Variants in SNX29 observed in about 807,000 individuals in gnomAD.
SNX29 encodes the protein sorting nexin 29.
Under a neutral mutation model 102.1 loss-of-function variants are expected in SNX29, and 78 were observed. The observed-to-expected ratio is 0.76, with a 90% confidence interval of 0.64 to 0.92. The LOEUF (loss-of-function observed/expected upper bound fraction) is 0.92. SNX29 is among the 40% of genes least tolerant of loss of function. The probability of loss-of-function intolerance (pLI) is 0.00; values close to 1 mark genes in which losing one functional copy is unlikely to be tolerated. For missense variants in SNX29, 1,280 were observed against 1,061.7 expected (o/e 1.21, Z -2.86); for synonymous variants, 580 against 414.5 (o/e 1.40, Z -4.85).
rs1008628931 is a variant in SNX29 at position 12,570,203 on chromosome 16, G to T, written c.*1574G>T. The stretch of plus-strand genomic sequence containing the variant: ...CCGAGTCAGCCTACATGACTTCCAA[G>T]GGGACCTGGGGCCAGATAAGCCCTG... On this transcript the variant is annotated 3_prime_UTR_variant, in exon 21 of 21. Coordinates refer to ENST00000566228, the MANE Select transcript of SNX29 (RefSeq NM_032167.5). 9.4e-7 allele frequency: 1 copy of T among 1,065,234 alleles called. No homozygotes were observed. The highest frequency in any genetic ancestry group is 1.1e-6 in the Non-Finnish European group (1 of 879,176). 66.0% of individuals were successfully genotyped at this position (1,065,234 alleles called of 1,614,324 possible).
At chr16:12,546,956 C>G (rs970763649) in intron 20 of SNX29, among the ~76,000 whole-genome samples, 74 of 152,182 alleles carry the variant, frequency 4.9e-4, no homozygotes, top group Non-Finnish European at 9.7e-4. Context: ...TTCCCCACCC[C>G]TCCATCCACC....
intron 11 of SNX29, among the ~76,000 whole-genome samples, chr16:12,100,143 G>C (rs1311765447): frequency 6.6e-6 from 1 of 152,132 alleles, no homozygotes; most frequent in Non-Finnish European, 1.5e-5. Context: ...AATACCTTCT[G>C]GCTTTTCATC....
At chr16:12,159,608 C>T (rs1004457451) in intron 13 of SNX29, among the ~76,000 whole-genome samples, 11 of 152,170 alleles carry the variant, frequency 7.2e-5, no homozygotes, top group African/African-American at 2.7e-4. Context: ...ACCTGTAATC[C>T]TAACACTTTG....
chr16:12,303,256 G>C (rs2080236467), intron 15 of SNX29, among the ~76,000 whole-genome samples: 1 of 152,160 alleles, frequency 6.6e-6, no homozygotes. Context: ...CCCCACCCTA[G>C]TGAAACACTT....
intron 13 of SNX29, among the ~76,000 whole-genome samples, chr16:12,156,368 T>A (rs1358104590): frequency 1.3e-5 from 2 of 152,118 alleles, no homozygotes; most frequent in Admixed American, 6.5e-5. Flanking sequence ...GAGATGGTGT[T>A]TTGCCATGTT....
intron 14 of SNX29, among the ~76,000 whole-genome samples, chr16:12,275,967 G>A (rs1196935292): frequency 6.9e-6 from 1 of 144,950 alleles, no homozygotes; most frequent in African/African-American, 2.6e-5. Flanking sequence ...ATCTCGGCTC[G>A]CTGCAATCTC....
intron 13 of SNX29, among the ~76,000 whole-genome samples, chr16:12,167,357 A>G (rs944537068): frequency 6.6e-6 from 1 of 152,108 alleles, no homozygotes; most frequent in African/African-American, 2.4e-5. Context: ...CTGGCCCTCC[A>G]GACTGTCCAG....
chr16:12,134,293 A>G (rs897332979), intron 13 of SNX29, among the ~76,000 whole-genome samples: 1 of 152,176 alleles, frequency 6.6e-6, no homozygotes, highest in Non-Finnish European at 1.5e-5. Context: ...TTATCCTCAA[A>G]CTTGGTTGCT....
At chr16:12,548,905 G>A (rs1041362487) in intron 20 of SNX29, among the ~76,000 whole-genome samples, 1 of 152,184 alleles carries the variant, frequency 6.6e-6, no homozygotes, top group Non-Finnish European at 1.5e-5. Context: ...CACTCACTCG[G>A]GCTGTAGGTA....
chr16:12,369,402 C>T (rs2082601667), intron 16 of SNX29, among the ~76,000 whole-genome samples: 1 of 152,192 alleles, frequency 6.6e-6, no homozygotes, highest in Non-Finnish European at 1.5e-5. Flanking sequence ...TCCCAAAGTG[C>T]TGGGATTACA....
intron 18 of SNX29, among the ~76,000 whole-genome samples, chr16:12,463,099 G>C (rs966290029): frequency 9.2e-5 from 14 of 152,208 alleles, no homozygotes; most frequent in Non-Finnish European, 7.3e-5. Context: ...CCATGCTGAA[G>C]ATGCCCCTTA....
chr16:12,547,528 G>A lies in SNX29; in HGVS notation c.2319-20978G>A, dbSNP rs539527410. 4.6e-5 allele frequency among the ~76,000 whole-genome samples: 7 copies of A among 152,090 alleles called. No homozygotes were observed. In the East Asian group the frequency reaches 7.7e-4, roughly 17 times the overall value. On this transcript the variant is annotated intron_variant, in intron 20 of 20. Transcript: ENST00000566228. ...TTCAATGTGGGTGTGAGAGAAAGAG[G>A]AACTGGAAGAACAGAGTCCTGAGCT...
At chr16:12,525,981 G>A (rs1597740229) in intron 20 of SNX29, among the ~76,000 whole-genome samples, 1 of 152,130 alleles carries the variant, frequency 6.6e-6, no homozygotes, top group African/African-American at 2.4e-5. Flanking sequence ...TGGAATTAGG[G>A]GAACCAAAAC....
At chr16:12,023,742 A>G (rs186761556) in intron 3 of SNX29, among the ~76,000 whole-genome samples, 56 of 152,264 alleles carry the variant, frequency 3.7e-4, no homozygotes, top group African/African-American at 1.3e-3. Flanking sequence ...CCTTAGTGTG[A>G]CCTCGTGTAT....
intron 11 of SNX29, among the ~76,000 whole-genome samples, chr16:12,109,042 C>T (rs2053388485): frequency 7.3e-6 from 1 of 136,902 alleles, no homozygotes; most frequent in Non-Finnish European, 1.5e-5. Flanking sequence ...GCAGGATAAT[C>T]ACTTGAACCT....
At chr16:12,423,746 A>G (rs1381885451) in intron 18 of SNX29, among the ~76,000 whole-genome samples, 3 of 152,032 alleles carry the variant, frequency 2.0e-5, no homozygotes, top group African/African-American at 7.2e-5. Flanking sequence ...AAGTTTTTGT[A>G]TTTTTAATAG....
chr16:12,511,772 C>T (rs993629261), intron 19 of SNX29, among the ~76,000 whole-genome samples: 4 of 152,090 alleles, frequency 2.6e-5, no homozygotes, highest in African/African-American at 7.2e-5. Context: ...CTGTCATCCC[C>T]CCTCCCCCGC....
chr16:12,548,568 T>C (rs1480671445), intron 20 of SNX29, among the ~76,000 whole-genome samples: 3 of 152,204 alleles, frequency 2.0e-5, no homozygotes, highest in African/African-American at 7.2e-5. Context: ...TCTATGATGC[T>C]GGCTTCCCTG....
intron 4 of SNX29, among the ~76,000 whole-genome samples, chr16:12,032,544 G>C: frequency 6.6e-6 from 1 of 151,932 alleles, no homozygotes; most frequent in East Asian, 1.9e-4. Flanking sequence ...CAATATTTTT[G>C]AGGGTATGTA....
Sources: allele counts gnomAD v4.1 joint callset (sites outside exome capture counted in the v4.1 genomes callset), GRCh38; gene constraint gnomAD v4.1.1; transcripts MANE v1.5; gene names NCBI Gene and HGNC (gene_info 2026-07-23, HGNC 2026-07-21).